The following TRIM21 variants were observed in gnomAD, a reference collection of about 807,000 sequenced individuals.
TRIM21 encodes the protein E3 ubiquitin-protein ligase TRIM21.
A neutral mutation model predicts 36.1 loss-of-function variants in TRIM21; 35 were observed. The ratio of observed to expected loss-of-function variants is 0.97; its 90% CI spans 0.74 to 1.28. The LOEUF (loss-of-function observed/expected upper bound fraction) is 1.28, where lower values mean the gene tolerates loss of function less well. Among genes scored for constraint, TRIM21 ranks in the 50% most tolerant of loss-of-function variants. The pLI is 0.00. For synonymous variants in TRIM21, 256 were observed against 211.5 expected (o/e 1.21, Z -1.83); for missense variants, 635 against 570.7 (o/e 1.11, Z -1.15).
Position 4,385,783 on chromosome 11 carries a change from C to A in TRIM21, c.930G>T (p.Arg310Ser), listed in dbSNP as rs777844453. 1 of 1,613,586 alleles carries A rather than the reference C, an allele frequency of 6.2e-7. No homozygotes were observed. Among genetic ancestry groups the A allele is most frequent in the South Asian group, 1.1e-5 (1 of 90,930 alleles). Reference protein sequence around the residue: ...LILSEDRRQVRLGDTQQSIPG... With the variant: ...LILSEDRRQVSLGDTQQSIPG... Reference sequence around the variant, plus strand: ...GTATGCTCTGCTGGGTGTCTCCAAGCCTCACTTGTCTCCGATCTTCTGAAA... The same window carrying A: ...GTATGCTCTGCTGGGTGTCTCCAAGACTCACTTGTCTCCGATCTTCTGAAA... Residue 310 changes from arginine to serine, a missense_variant, in exon 7 of 7, where the codon AGG becomes AGT. By Grantham distance (110) the Arg-to-Ser change is moderately radical (BLOSUM62 -1). Transcript: ENST00000254436.
At position 4,388,436 on chromosome 11, in the gene TRIM21, A is replaced by G. The variant is rs1238014971; in HGVS notation, c.599T>C (p.Leu200Pro). The G allele has an allele frequency of 6.2e-7, 1 of 1,613,582 alleles. No individual in the cohort carries two copies. Among genetic ancestry groups the G allele is most frequent in the Admixed American group, 1.7e-5 (1 of 59,998 alleles). ...VEEEQRQLQE[L>P]EKDEREQLRI... ...CAGCTGCTCCCTCTCATCCTTCTCCAGCTCCTGCAGCTGCCTCTGTTCTTC... is the reference window on the plus strand; with the variant it reads ...CAGCTGCTCCCTCTCATCCTTCTCCGGCTCCTGCAGCTGCCTCTGTTCTTC... The change falls in exon 4 of 7, where the codon CTG becomes CCG. Residue 200 changes from leucine (L) to proline (P), a missense_variant. Physicochemically the swap from Leu to Pro is moderately conservative, Grantham distance 98 (BLOSUM62 -3). Transcript: ENST00000254436.
chr11:4,386,386 T>G (rs936080672), intron 5 of TRIM21, 129 bp from the exon 6 acceptor site: 127 of 801,666 alleles, frequency 1.6e-4, no homozygotes, highest in Non-Finnish European at 2.6e-4. Context: ...GGTGTTCAAG[T>G]CTCCAGGAGT....
chr11:4,385,923 G>C (rs879026634), intron 6 of TRIM21, 70 bp from the exon 7 acceptor site: 4 of 1,426,008 alleles, frequency 2.8e-6, no homozygotes, highest in Middle Eastern at 2.2e-4. Context: ...GTGGTGGGGG[G>C]ATTTTGTGTA....
At chr11:4,388,250 CT>C (rs768291076) in intron 4 of TRIM21, 49 bp downstream of exon 4, 24 of 1,517,590 alleles carry the variant, frequency 1.6e-5, no homozygotes, top group Non-Finnish European at 2.0e-5. Context: ...TAGCTCTGGT[CT>C]TTTTCAGTTA....
intron 1 of TRIM21, among the ~76,000 whole-genome samples, chr11:4,391,893 G>C (rs977536590): frequency 3.9e-5 from 6 of 152,140 alleles, no homozygotes; most frequent in Non-Finnish European, 5.9e-5. Context: ...TGAACTCATG[G>C]AGTTAGATAA....
At chr11:4,391,798 A>G (rs2094963296) in intron 1 of TRIM21, among the ~76,000 whole-genome samples, 1 of 152,254 alleles carries the variant, frequency 6.6e-6, no homozygotes, top group South Asian at 2.1e-4. Flanking sequence ...ACTGGAGGTC[A>G]TTATGTTAGG....
At chr11:4,389,889 G>C (rs2094960702) in intron 2 of TRIM21, 113 bp downstream of exon 2, 1 of 1,493,104 alleles carries the variant, frequency 6.7e-7, no homozygotes, top group Non-Finnish European at 9.2e-7. Flanking sequence ...TCCTACATTA[G>C]ACATGGAGAG....
intron 4 of TRIM21, among the ~76,000 whole-genome samples, chr11:4,387,700 G>A (rs1192872123): frequency 6.6e-6 from 1 of 152,062 alleles, no homozygotes; most frequent in Non-Finnish European, 1.5e-5. Context: ...TACTAGGGAT[G>A]CAAAATTAGC....
chr11:4,388,221 T>A, intron 4 of TRIM21, 79 bp downstream of exon 4: 2 of 1,250,044 alleles, frequency 1.6e-6, no homozygotes, highest in Non-Finnish European at 2.2e-6. Context: ...TGTCCATTTA[T>A]TCAAATGGCA....
chr11:4,390,195 A>G lies in TRIM21; in HGVS notation c.215T>C (p.Met72Thr). Residue 72 changes from methionine to threonine, a missense_variant, in exon 2 of 7, where the codon ATG becomes ACG. By Grantham distance (81) the Met-to-Thr change is moderately conservative (BLOSUM62 -1). Transcript: ENST00000254436. Reference protein sequence around the residue: ...NLRPNRQLANMVNNLKEISQE... With the variant: ...NLRPNRQLANTVNNLKEISQE... Reference sequence around the variant, plus strand: ...GCTGATTTCTTTAAGGTTGTTCACCATGTTGGCTAGCTGTCGATTGGGCCG... The same window carrying G: ...GCTGATTTCTTTAAGGTTGTTCACCGTGTTGGCTAGCTGTCGATTGGGCCG... 1 of 1,614,018 alleles carries G rather than the reference A, an allele frequency of 6.2e-7. No individual in the cohort carries two copies. The highest frequency in any genetic ancestry group is 8.5e-7 in the Non-Finnish European group (1 of 1,179,900).
intron 1 of TRIM21, among the ~76,000 whole-genome samples, chr11:4,391,228 G>GA (rs758558205): frequency 5.3e-5 from 8 of 151,510 alleles, no homozygotes; most frequent in African/African-American, 1.5e-4. Context: ...AACTCTATAG[G>GA]AAAAAAAATA....
chr11:4,391,517 A>C (rs767558609), intron 1 of TRIM21, among the ~76,000 whole-genome samples: 1 of 152,188 alleles, frequency 6.6e-6, no homozygotes, highest in Non-Finnish European at 1.5e-5. Flanking sequence ...AACAGTTTGG[A>C]GGTTCTTCAA....
In TRIM21 at chr11:4,385,236, G is replaced by A; in HGVS notation, c.*49C>T. ...ATGGGGAAAAGAGGCAGGGTTTGTG[G>A]CTGAGAAGCGGTGCCAATGGGGAGA... On this transcript the variant is annotated 3_prime_UTR_variant, in exon 7 of 7. Coordinates refer to ENST00000254436, the MANE Select transcript of TRIM21 (RefSeq NM_003141.4). The A allele has an allele frequency of 6.5e-7, 1 of 1,534,262 alleles. No homozygotes were observed. Among genetic ancestry groups the A allele is most frequent in the Non-Finnish European group, 8.8e-7 (1 of 1,133,154 alleles).
chr11:4,386,939 C>G, intron 5 of TRIM21, 29 bp downstream of exon 5: 1 of 1,576,170 alleles, frequency 6.3e-7, no homozygotes, highest in Non-Finnish European at 8.6e-7. Flanking sequence ...CTGCTGGCCC[C>G]TCTTCTAACA....
At chr11:4,386,090 C>T (rs542711701) in intron 6 of TRIM21, 67 bp downstream of exon 6, 2 of 1,505,424 alleles carry the variant, frequency 1.3e-6, no homozygotes. Flanking sequence ...AGTTGCCATC[C>T]AGGCTCCCTG....
In TRIM21 at chr11:4,388,320, A is replaced by T; in HGVS notation, c.715T>A (p.Ser239Thr). The T allele has an allele frequency of 1.2e-6, 2 of 1,613,548 alleles. No homozygotes were observed. Among genetic ancestry groups the T allele is most frequent in the Non-Finnish European group, 1.7e-6 (2 of 1,179,632 alleles). ...CTCACCTGCAGCAGTTCCAGTGCTG[A>T]GCTGTGGCACCTTCGATCTAGCTCT... ...ISELDRRCHS[S>T]ALELLQEVII... is the part of the protein sequence containing the mutation. Residue 239 changes from serine (S) to threonine (T), a missense_variant, in exon 4 of 7, where the codon TCA (serine) becomes ACA (threonine). Coordinates refer to ENST00000254436, the MANE Select transcript of TRIM21 (RefSeq NM_003141.4).
intron 3 of TRIM21, 85 bp from the exon 4 acceptor site, chr11:4,388,615 C>A: frequency 7.8e-7 from 1 of 1,287,816 alleles, no homozygotes; most frequent in Non-Finnish European, 1.1e-6. Context: ...CTATTCCTAT[C>A]CCCAAGAGAC....
intron 1 of TRIM21, among the ~76,000 whole-genome samples, chr11:4,391,518 G>A (rs1388592058): frequency 6.6e-6 from 1 of 152,100 alleles, no homozygotes; most frequent in Non-Finnish European, 1.5e-5. Context: ...ACAGTTTGGA[G>A]GTTCTTCAAA....
In TRIM21 at chr11:4,384,981, A is replaced by C. The variant is rs545146903; in HGVS notation, c.*304T>G. 3.0e-6 allele frequency: 1 copy of C among 334,154 alleles called. No individual in the cohort carries two copies. Among genetic ancestry groups the C allele is most frequent in the South Asian group, 7.1e-5 (1 of 14,022 alleles). 20.7% of individuals were successfully genotyped at this position (334,154 alleles called of 1,614,324 possible). On this transcript the variant is annotated 3_prime_UTR_variant, in exon 7 of 7. Transcript: ENST00000254436. Reference sequence around the variant, plus strand: ...TATAATAGAGATCTCACCAAAGACGACATCCTAGAGATGGAGAGGAGAAAA... The same window carrying C: ...TATAATAGAGATCTCACCAAAGACGCCATCCTAGAGATGGAGAGGAGAAAA...
Sources: gnomAD v4.1 joint callset for allele counts (sites outside exome capture counted in the v4.1 genomes callset) on GRCh38, gnomAD v4.1.1 for gene constraint, MANE v1.5 for transcripts, NCBI Gene and HGNC (gene_info 2026-07-23, HGNC 2026-07-21) for gene names.